Variants in CENPO observed in about 807,000 individuals in gnomAD.
CENPO encodes centromere protein O, also known as centromeric protein O.
A neutral mutation model predicts 36.1 loss-of-function variants in CENPO; 30 were observed. The ratio of observed to expected loss-of-function variants is 0.83; its 90% confidence interval spans 0.62 to 1.13. CENPO has a LOEUF of 1.13. CENPO is among the 50% of genes most tolerant of loss of function. The pLI, the probability that CENPO is intolerant of heterozygous loss-of-function variation, is 0.00. For missense variants in CENPO, 349 were observed against 357.8 expected, an observed-to-expected ratio of 0.98 and a Z score of 0.20; for synonymous variants, 171 against 142.3, an observed-to-expected ratio of 1.20 and a Z score of -1.44.
chr2:24,797,741 A>T (rs887064828), intron 2 of CENPO, among the ~76,000 whole-genome samples: 1 of 152,230 alleles, frequency 6.6e-6, no homozygotes, highest in Non-Finnish European at 1.5e-5. Context: ...TTCAGAGGAA[A>T]AGAGGGTTTC....
intron 4 of CENPO, among the ~76,000 whole-genome samples, chr2:24,815,004 G>A (rs1388757757): frequency 6.6e-6 from 1 of 152,076 alleles, no homozygotes; most frequent in Non-Finnish European, 1.5e-5. Context: ...ACTTTGGGAG[G>A]CTGAGGCAGG....
chr2:24,819,884 A>AAAAT lies in CENPO; in HGVS notation c.*571_*574dup, dbSNP rs768183514. On this transcript the variant is annotated 3_prime_UTR_variant, in exon 8 of 8. Transcript: ENST00000380834. ...AGGTCGGGACTTCCTTCAGTTTCAA[A>AAAAT]AAATAAATTCTCCCTTCCGGTTTGG... The AAAAT allele has an allele frequency of 1.3e-6, 2 of 1,589,606 alleles. No homozygotes were observed. Among genetic ancestry groups the AAAAT allele is most frequent in the East Asian group, 2.3e-5 (1 of 44,314 alleles).
chr2:24,796,123 A>G (rs1665888122), intron 2 of CENPO, among the ~76,000 whole-genome samples: 1 of 152,026 alleles, frequency 6.6e-6, no homozygotes. Flanking sequence ...TGGGAGGCCA[A>G]AGCGGGTGGA....
intron 3 of CENPO, among the ~76,000 whole-genome samples, chr2:24,801,409 A>G (rs1053010373): frequency 5.9e-5 from 9 of 152,296 alleles, no homozygotes; most frequent in East Asian, 3.9e-4. Context: ...GCCCATGCCT[A>G]TGTCCTGAAT....
chr2:24,803,734 G>A (rs1666256694), intron 3 of CENPO, among the ~76,000 whole-genome samples: 1 of 152,132 alleles, frequency 6.6e-6, no homozygotes, highest in South Asian at 2.1e-4. Flanking sequence ...TTGCTGAGGA[G>A]TGTTTTACTT....
intron 2 of CENPO, among the ~76,000 whole-genome samples, chr2:24,796,865 G>A (rs1179020591): frequency 6.6e-6 from 1 of 151,942 alleles, no homozygotes; most frequent in Non-Finnish European, 1.5e-5. Flanking sequence ...GGGGTGGGGG[G>A]ATCAGGTCAG....
In CENPO at chr2:24,793,871, A is replaced by G. The variant is rs374210546; in HGVS notation, c.-49A>G. On this transcript the variant is annotated 5_prime_UTR_variant, in exon 2 of 8. Coordinates refer to ENST00000380834, the MANE Select transcript of CENPO (RefSeq NM_001322101.2). ...TATTAGCAAGGACATTGGAGTCCCT[A>G]TCACCGGTTGCCTAGACAACTTCAT... 1.4e-5 allele frequency: 22 copies of G among 1,613,888 alleles called. No individual in the cohort carries two copies. The highest frequency in any genetic ancestry group is 1.8e-5 in the Non-Finnish European group (21 of 1,179,922).
At chr2:24,800,880 T>C (rs1666129509) in intron 3 of CENPO, among the ~76,000 whole-genome samples, 1 of 152,182 alleles carries the variant, frequency 6.6e-6, no homozygotes, top group Non-Finnish European at 1.5e-5. Context: ...TTTCTAGTTC[T>C]AGATCCCTGA....
intron 5 of CENPO, 176 bp downstream of exon 5, chr2:24,815,932 CT>C (rs1441705975): frequency 3.1e-6 from 2 of 641,966 alleles, no homozygotes; most frequent in Non-Finnish European, 5.3e-6. Context: ...TCTTTTGAAA[CT>C]CTGGATGGCG....
At chr2:24,809,003 A>G (rs1380005081) in intron 3 of CENPO, among the ~76,000 whole-genome samples, 2 of 151,486 alleles carry the variant, frequency 1.3e-5, no homozygotes, top group Admixed American at 6.6e-5. Flanking sequence ...GAAGGTTTTA[A>G]TTTCCGATCC....
chr2:24,820,955 C>T lies in CENPO; in HGVS notation c.*1637C>T, dbSNP rs1667561934. 4 of 1,455,910 alleles carry T rather than the reference C, an allele frequency of 2.7e-6. No homozygotes were observed. The highest frequency in any genetic ancestry group is 1.4e-5 in the African/African-American group (1 of 70,670). 90.2% of individuals were successfully genotyped at this position (1,455,910 alleles called of 1,614,324 possible). A position where few individuals can be genotyped will look rare whatever the true frequency, so the allele number is the denominator to read the frequency against. ...GTACCACAAAGCTCCTAATGTAACA[C>T]ATCATTGTCCTCATTCAACTTGGCT... On this transcript the variant is annotated 3_prime_UTR_variant, in exon 8 of 8. Transcript: ENST00000380834.
intron 3 of CENPO, 37 bp downstream of exon 3, chr2:24,799,881 T>C (rs773425759): frequency 1.3e-6 from 2 of 1,599,820 alleles, no homozygotes; most frequent in East Asian, 4.5e-5. Flanking sequence ...TCCTTTAGAG[T>C]ATAATGAACA....
rs182337990 is a variant in CENPO, at chr2:24,811,606, C to A, written c.217-2770C>A. ...CCTCCCGAGTAGCTGGGACTACAGGCGCCCGCCACCACGCCCAGCTAGTTT... is the reference window on the plus strand; with the variant it reads ...CCTCCCGAGTAGCTGGGACTACAGGAGCCCGCCACCACGCCCAGCTAGTTT... On this transcript the variant is annotated intron_variant, in intron 3 of 7. Coordinates refer to ENST00000380834, the MANE Select transcript of CENPO (RefSeq NM_001322101.2). Among the ~76,000 whole-genome samples, 730 of 151,336 alleles carry A rather than the reference C, an allele frequency of 4.8e-3. 8 individuals carry two copies. Among genetic ancestry groups the A allele is most frequent in the African/African-American group, 0.016 (663 of 41,240 alleles).
Position 24,820,034 on chromosome 2 carries a change from CT to C in CENPO, c.*718del. The C allele has an allele frequency of 6.2e-7, 1 of 1,609,090 alleles. No individual in the cohort carries two copies. The highest frequency in any genetic ancestry group is 1.1e-5 in the South Asian group (1 of 90,498). On this transcript the variant is annotated 3_prime_UTR_variant, in exon 8 of 8. Transcript: ENST00000380834. The stretch of plus-strand genomic sequence containing the variant: ...TCAAGAAGAAGGTCAGCAGCTCCCC[CT>C]TCCCCTTCACAAAGATGGGGCCTCG...
intron 2 of CENPO, among the ~76,000 whole-genome samples, chr2:24,795,755 C>A (rs1665872354): frequency 6.6e-6 from 1 of 152,174 alleles, no homozygotes; most frequent in South Asian, 2.1e-4. Flanking sequence ...TTCAGATCAC[C>A]TCCTGGTTGG....
chr2:24,818,981 G>A (rs1355653321), intron 7 of CENPO, among the ~76,000 whole-genome samples: 1 of 152,248 alleles, frequency 6.6e-6, no homozygotes, highest in Admixed American at 6.5e-5. Flanking sequence ...CCAGCTTGGA[G>A]TACCCTTTAG....
Position 24,820,303 on chromosome 2 carries a change from A to G in CENPO, c.*985A>G, listed in dbSNP as rs1254303125. On this transcript the variant is annotated 3_prime_UTR_variant, in exon 8 of 8. Transcript: ENST00000380834. ...CAGCGGGTGGGAAGGAGAACCCTGG[A>G]GTGACTGGCTGGGGGCCTCCTCTCA... 11 of 1,302,850 alleles carry G rather than the reference A, an allele frequency of 8.4e-6. No individual in the cohort carries two copies. Among genetic ancestry groups the G allele is most frequent in the African/African-American group, 1.5e-5 (1 of 65,660 alleles). The allele number at this position is 1,302,850 out of a possible 1,614,324, so 80.7% of individuals were successfully genotyped here. A position where few individuals can be genotyped will look rare whatever the true frequency, so the allele number is the denominator to read the frequency against.
rs985847889 is a variant in CENPO at position 24,819,720 on chromosome 2, CTAAGACCCCTATGCT to C, written c.*403_*417del. ...CTGGAAGGACTGTTCAGCCCTATGCCTAAGACCCCTATGCTGGGGACACTACAGGCACACACAGGA... is the reference window on the plus strand; with the variant it reads ...CTGGAAGGACTGTTCAGCCCTATGCCGGGGACACTACAGGCACACACAGGA... On this transcript the variant is annotated 3_prime_UTR_variant, in exon 8 of 8. Transcript: ENST00000380834. 26 of 568,354 alleles carry C rather than the reference CTAAGACCCCTATGCT, an allele frequency of 4.6e-5. No individual in the cohort carries two copies. In the African/African-American group the frequency reaches 5.0e-4, roughly 11 times the overall value. The allele number at this position is 568,354 out of a possible 1,614,324, so 35.2% of individuals were successfully genotyped here.
At chr2:24,818,028 T>A (rs1175762772) in intron 7 of CENPO, among the ~76,000 whole-genome samples, 187 bp downstream of exon 7, 1 of 152,242 alleles carries the variant, frequency 6.6e-6, no homozygotes, top group East Asian at 1.9e-4. Flanking sequence ...CTCAAGATGT[T>A]TTTTAAAGGT....
Sources: allele counts gnomAD v4.1 joint callset (sites outside exome capture counted in the v4.1 genomes callset), GRCh38; gene constraint gnomAD v4.1.1; transcripts MANE v1.5; gene names NCBI Gene and HGNC (gene_info 2026-07-23, HGNC 2026-07-21).